Variants in RBFOX1 observed in about 807,000 individuals in gnomAD.
RBFOX1 encodes RNA binding protein fox-1 homolog 1.
In RBFOX1, 8 loss-of-function variants were observed where a neutral mutation model predicts 57.7. That is an observed-to-expected ratio of 0.14 (90% CI 0.08 to 0.25). The LOEUF is 0.25. RBFOX1 is among the 10% of genes least tolerant of loss of function. RBFOX1 has a pLI of 1.00. For synonymous variants in RBFOX1, 326 were observed against 222.4 expected, an observed-to-expected ratio of 1.47 and a Z score of -4.15; for missense variants, 611 against 548.5, an observed-to-expected ratio of 1.11 and a Z score of -1.14.
chr16:7,318,458 G>T (rs2096485192), intron 4 of RBFOX1, among the ~76,000 whole-genome samples: 1 of 152,104 alleles, frequency 6.6e-6, no homozygotes, highest in Non-Finnish European at 1.5e-5. Flanking sequence ...TTCAGATTTG[G>T]TTCAAGTCTA....
intron 3 of RBFOX1, among the ~76,000 whole-genome samples, chr16:6,937,589 C>A (rs925558105): frequency 6.6e-6 from 1 of 152,026 alleles, no homozygotes; most frequent in African/African-American, 2.4e-5. Context: ...AGATGTGAGG[C>A]ATTAATCAAA....
In RBFOX1 at chr16:7,711,614, C is replaced by CA. The variant is rs1171048599; in HGVS notation, c.*876dup. 1 of 149,452 alleles carries CA rather than the reference C, an allele frequency of 6.7e-6. No individual in the cohort carries two copies. The highest frequency in any genetic ancestry group is 1.5e-5 in the Non-Finnish European group (1 of 67,398). The allele number at this position is 149,452 out of a possible 1,614,324, so 9.3% of individuals were successfully genotyped here. A position where few individuals can be genotyped will look rare whatever the true frequency, so the allele number is the denominator to read the frequency against. On this transcript the variant is annotated 3_prime_UTR_variant, in exon 16 of 16. Transcript: ENST00000550418. Reference sequence around the variant, plus strand: ...CTGTTTCTATTTTTTTCTTTTTTTCCAAAAAAAGAAAGTAATAAAAACTTA... The same window carrying CA: ...CTGTTTCTATTTTTTTCTTTTTTTCCAAAAAAAAGAAAGTAATAAAAACTTA...
Position 6,703,500 on chromosome 16 carries a change from T to C in RBFOX1, c.-16+48850T>C, listed in dbSNP as rs1191460476. On this transcript the variant is annotated intron_variant, in intron 3 of 15. Coordinates refer to ENST00000550418, the MANE Select transcript of RBFOX1 (RefSeq NM_018723.4). ...GCTGAGATGGGAGGATTGCTTGAGCTCAGCAGTTCAAGGCAGCCTAGGCAA... is the reference window on the plus strand; with the variant it reads ...GCTGAGATGGGAGGATTGCTTGAGCCCAGCAGTTCAAGGCAGCCTAGGCAA... Among the ~76,000 whole-genome samples, 38 of 118,866 alleles carry C rather than the reference T, an allele frequency of 3.2e-4. No homozygotes were observed. In the Admixed American group the frequency reaches 3.5e-3, roughly 11 times the overall value. The allele number at this position is 118,866 out of a possible 152,430, so 78.0% of individuals were successfully genotyped here. A position where few individuals can be genotyped will look rare whatever the true frequency, so the allele number is the denominator to read the frequency against.
intron 3 of RBFOX1, among the ~76,000 whole-genome samples, chr16:6,960,014 G>A (rs140460191): frequency 5.7e-4 from 87 of 152,228 alleles, no homozygotes; most frequent in African/African-American, 1.9e-3. Context: ...AACCCCCCAA[G>A]AGTTTTGCCT....
At chr16:7,049,887 T>C (rs7198850) in intron 3 of RBFOX1, among the ~76,000 whole-genome samples, 83,933 of 152,064 alleles carry the variant, frequency 0.55, 24,515 homozygotes, top group South Asian at 0.76. Flanking sequence ...ACCTTTTTTA[T>C]CATTTTAAAG....
intron 2 of RBFOX1, among the ~76,000 whole-genome samples, chr16:5,560,068 C>T (rs2045837226): frequency 1.3e-5 from 2 of 152,174 alleles, no homozygotes; most frequent in South Asian, 4.1e-4. Flanking sequence ...AGAGTGTCAA[C>T]AGTGCTTATG....
At chr16:6,258,122 T>G (rs2097679955) in intron 1 of RBFOX1, among the ~76,000 whole-genome samples, 1 of 152,212 alleles carries the variant, frequency 6.6e-6, no homozygotes, top group African/African-American at 2.4e-5. Flanking sequence ...CATCATCTTT[T>G]GTAACGTTTT....
chr16:7,658,501 G>T (rs2066885053), intron 12 of RBFOX1, among the ~76,000 whole-genome samples: 1 of 152,016 alleles, frequency 6.6e-6, no homozygotes, highest in Non-Finnish European at 1.5e-5. Flanking sequence ...CATTTGGGAG[G>T]AATTACCCAT....
In RBFOX1 at chr16:5,557,447, A is replaced by T. The variant is rs570851973; in HGVS notation, c.259-41455A>T. 2.4e-4 allele frequency among the ~76,000 whole-genome samples: 37 copies of T among 152,234 alleles called. 1 individual carries two copies. The South Asian group carries it at 7.5e-3, about 31-fold the overall frequency. On this transcript the variant is annotated intron_variant, in intron 2 of 2. Coordinates refer to the RBFOX1 transcript ENST00000585867. ...AGAGAGATAATAAACAGGGTAACAA[A>T]ACTGAATATACATTTTGATGCATAA...
chr16:6,922,042 C>G (rs1419422033), intron 3 of RBFOX1, among the ~76,000 whole-genome samples: 1 of 152,144 alleles, frequency 6.6e-6, no homozygotes, highest in East Asian at 1.9e-4. Flanking sequence ...CTGCTGTTAC[C>G]AACTGGCAGC....
chr16:7,403,957 G>A (rs542786748), intron 4 of RBFOX1, among the ~76,000 whole-genome samples: 1 of 150,022 alleles, frequency 6.7e-6, no homozygotes, highest in Admixed American at 6.6e-5. Flanking sequence ...TTGTTAATGG[G>A]TGCTTAAGTT....
At chr16:5,320,067 T>C (rs1207944000) in intron 1 of RBFOX1, among the ~76,000 whole-genome samples, 1 of 152,196 alleles carries the variant, frequency 6.6e-6, no homozygotes, top group Non-Finnish European at 1.5e-5. Flanking sequence ...CAAGTGGGGT[T>C]TGGCAAACAC....
chr16:6,558,215 G>C (rs182985170), intron 2 of RBFOX1, among the ~76,000 whole-genome samples: 1 of 152,242 alleles, frequency 6.6e-6, no homozygotes, highest in East Asian at 1.9e-4. Flanking sequence ...GGTTAGTGAT[G>C]GGTGAAATGA....
upstream of RBFOX1, among the ~76,000 whole-genome samples, chr16:6,015,754 T>C (rs1183586691): frequency 2.0e-5 from 3 of 152,228 alleles, no homozygotes; most frequent in African/African-American, 4.8e-5. Context: ...CGATCTTCTC[T>C]AGAATGCTTT....
chr16:6,158,198 T>C (rs1241202910), intron 1 of RBFOX1, among the ~76,000 whole-genome samples: 1 of 152,196 alleles, frequency 6.6e-6, no homozygotes, highest in Non-Finnish European at 1.5e-5. Context: ...GTCTGAAGAA[T>C]GTGATGCTTG....
intron 2 of RBFOX1, among the ~76,000 whole-genome samples, chr16:6,559,637 CACAT>C (rs1490493701): frequency 2.6e-5 from 4 of 151,916 alleles, no homozygotes; most frequent in South Asian, 2.1e-4. Flanking sequence ...TATACACACA[CACAT>C]ATATGTGAAT....
intron 3 of RBFOX1, among the ~76,000 whole-genome samples, chr16:5,647,172 G>A (rs1298586162): frequency 6.6e-6 from 1 of 152,178 alleles, no homozygotes; most frequent in Non-Finnish European, 1.5e-5. Flanking sequence ...AGTGATATGT[G>A]GGTGGCATGT....
intron 14 of RBFOX1, among the ~76,000 whole-genome samples, chr16:7,678,660 C>G (rs1311522880): frequency 6.6e-6 from 1 of 152,092 alleles, no homozygotes; most frequent in Non-Finnish European, 1.5e-5. Flanking sequence ...TAAATGGACT[C>G]CTTCAATAAG....
intron 4 of RBFOX1, among the ~76,000 whole-genome samples, chr16:7,223,168 C>A (rs1190801255): frequency 6.6e-6 from 1 of 152,174 alleles, no homozygotes; most frequent in Non-Finnish European, 1.5e-5. Flanking sequence ...GGTTGACCAG[C>A]CAGGACAACA....
Sources: gnomAD v4.1 joint callset for allele counts (sites outside exome capture counted in the v4.1 genomes callset) on GRCh38, gnomAD v4.1.1 for gene constraint, MANE v1.5 for transcripts, NCBI Gene and HGNC (gene_info 2026-07-23, HGNC 2026-07-21) for gene names.